Variants in ARHGAP17 observed in about 807,000 individuals in gnomAD.
The protein encoded by ARHGAP17 is rho GTPase-activating protein 17.
In ARHGAP17, 57 loss-of-function variants were observed where a neutral mutation model predicts 99.5. The observed-to-expected ratio is 0.57, with a 90% CI of 0.46 to 0.71. The LOEUF (loss-of-function observed/expected upper bound fraction) is 0.71. Ranked by LOEUF, ARHGAP17 falls within the 30% of genes least tolerant of loss-of-function variation. The pLI, the probability that ARHGAP17 is intolerant of heterozygous loss-of-function variation, is 0.00. For synonymous variants in ARHGAP17, 417 were observed against 429.6 expected (o/e 0.97, Z 0.36); for missense variants, 1,000 against 1,122.4 (o/e 0.89, Z 1.56).
intron 14 of ARHGAP17, among the ~76,000 whole-genome samples, chr16:24,946,226 G>C (rs1447469329): frequency 6.6e-6 from 1 of 151,994 alleles, no homozygotes; most frequent in Non-Finnish European, 1.5e-5. Flanking sequence ...CCACCACCCA[G>C]AAAATAAGTC....
At chr16:24,979,080 G>T in intron 1 of ARHGAP17, 75 bp from the exon 2 acceptor site, 1 of 1,112,506 alleles carries the variant, frequency 9.0e-7, no homozygotes, top group Non-Finnish European at 1.3e-6. Context: ...ATAATTATTA[G>T]CCTGGAGTTT....
At position 24,931,265 on chromosome 16, in the gene ARHGAP17, G is replaced by A; in HGVS notation, c.2034C>T (p.Pro678=). Residue 678 remains proline, a synonymous_variant, in exon 19 of 20, where the codon CCC becomes CCT. Coordinates refer to ENST00000289968, the MANE Select transcript of ARHGAP17 (RefSeq NM_001006634.3). ...CTGGAGGCTGGCCCGTGTGCTGGGT[G>A]GGAGGAGAGGGGCTTCGGGTGGGTG... ...PKPPTRSPSP[P]TQHTGQPPGQ... 1.3e-6 allele frequency: 2 copies of A among 1,535,024 alleles called. No homozygotes were observed. Among genetic ancestry groups the A allele is most frequent in the Non-Finnish European group, 1.8e-6 (2 of 1,141,246 alleles).
intron 1 of ARHGAP17, among the ~76,000 whole-genome samples, chr16:25,010,621 C>T (rs2053620055): frequency 6.6e-6 from 1 of 152,182 alleles, no homozygotes; most frequent in Non-Finnish European, 1.5e-5. Context: ...ATTTCTGAGT[C>T]CTTCTAGACA....
At chr16:24,950,618 T>C (rs999962138) in intron 12 of ARHGAP17, among the ~76,000 whole-genome samples, 1 of 152,044 alleles carries the variant, frequency 6.6e-6, no homozygotes, top group Non-Finnish European at 1.5e-5. Flanking sequence ...GCAGATTGCC[T>C]GAGGTCAGGA....
intron 3 of ARHGAP17, among the ~76,000 whole-genome samples, chr16:24,972,929 C>G (rs1342897143): frequency 7.3e-6 from 1 of 137,368 alleles, no homozygotes; most frequent in Non-Finnish European, 1.5e-5. Flanking sequence ...TTTCTATCAT[C>G]AGGGATAATT....
At chr16:24,973,194 A>G (rs2141332463) in intron 3 of ARHGAP17, among the ~76,000 whole-genome samples, 1 of 152,338 alleles carries the variant, frequency 6.6e-6, no homozygotes, top group Non-Finnish European at 1.5e-5. Flanking sequence ...AATCGCACAA[A>G]AAGAAATAAT....
At chr16:25,011,029 T>C (rs573702861) in intron 1 of ARHGAP17, among the ~76,000 whole-genome samples, 2 of 152,346 alleles carry the variant, frequency 1.3e-5, no homozygotes, top group African/African-American at 4.8e-5. Context: ...ATTTTTTTTC[T>C]CCTTGATACT....
chr16:24,977,646 C>T (rs2052557869), intron 2 of ARHGAP17, among the ~76,000 whole-genome samples: 2 of 152,110 alleles, frequency 1.3e-5, no homozygotes, highest in South Asian at 2.1e-4. Context: ...GCAAAATAAA[C>T]GTTCCACAAT....
At chr16:24,929,468 G>T in intron 19 of ARHGAP17, 1 of 349,142 alleles carries the variant, frequency 2.9e-6, no homozygotes, top group Non-Finnish European at 4.0e-6. Flanking sequence ...CTACAGAATG[G>T]ATGGCCTATT....
Position 24,943,638 on chromosome 16 carries a change from C to T in ARHGAP17, c.1333+133G>A, listed in dbSNP as rs2051379422. Reference sequence around the variant, plus strand: ...AAAATACAAATGCAATGAACAAAGGCTGGAAAGAAACATGAAAAAGTGAAA... The same window carrying T: ...AAAATACAAATGCAATGAACAAAGGTTGGAAAGAAACATGAAAAAGTGAAA... On this transcript the variant is annotated intron_variant, in intron 15 of 19. Transcript: ENST00000289968. 4.1e-6 allele frequency: 3 copies of T among 731,078 alleles called. No homozygotes were observed. The South Asian group carries it at 5.4e-5, about 13-fold the overall frequency. 45.3% of individuals were successfully genotyped at this position (731,078 alleles called of 1,614,324 possible).
chr16:24,940,150 C>T (rs988539835), intron 16 of ARHGAP17, among the ~76,000 whole-genome samples: 1 of 152,156 alleles, frequency 6.6e-6, no homozygotes, highest in Admixed American at 6.5e-5. Flanking sequence ...TGTCAAACTC[C>T]TGGCCTCAAG....
intron 12 of ARHGAP17, among the ~76,000 whole-genome samples, chr16:24,950,851 A>AAAAAAAAG (rs2051618462): frequency 2.0e-5 from 3 of 151,200 alleles, no homozygotes; most frequent in South Asian, 2.1e-4. Context: ...AAAAAAAAAA[A>AAAAAAAAG]AAAAAAAGAA....
intron 1 of ARHGAP17, among the ~76,000 whole-genome samples, chr16:25,002,077 T>C (rs1370684299): frequency 7.0e-6 from 1 of 143,776 alleles, no homozygotes; most frequent in African/African-American, 2.6e-5. Context: ...CGAGACTCCA[T>C]CTAAAAAAAA....
chr16:24,954,881 T>C, intron 9 of ARHGAP17, 151 bp from the exon 10 acceptor site: 6 of 1,124,530 alleles, frequency 5.3e-6, no homozygotes. Flanking sequence ...TTTTGTTATT[T>C]GCCATCTACT....
intron 1 of ARHGAP17, among the ~76,000 whole-genome samples, chr16:24,983,658 T>C (rs1004041091): frequency 2.0e-5 from 3 of 152,188 alleles, no homozygotes; most frequent in African/African-American, 7.2e-5. Context: ...ATGGGTTTTT[T>C]CTGCTTTGTC....
At chr16:24,985,744 GCCT>G (rs2052846754) in intron 1 of ARHGAP17, among the ~76,000 whole-genome samples, 1 of 152,136 alleles carries the variant, frequency 6.6e-6, no homozygotes, top group South Asian at 2.1e-4. Flanking sequence ...GCATTATTCT[GCCT>G]ACTTCAGGTC....
At chr16:24,928,496 T>C (rs1359072699) in intron 19 of ARHGAP17, among the ~76,000 whole-genome samples, 1 of 152,192 alleles carries the variant, frequency 6.6e-6, no homozygotes, top group Non-Finnish European at 1.5e-5. Context: ...TATTAAAAAA[T>C]AGGCATAATT....
At chr16:24,976,352 T>TC (rs2052515513) in intron 3 of ARHGAP17, among the ~76,000 whole-genome samples, 1 of 151,886 alleles carries the variant, frequency 6.6e-6, no homozygotes, top group Non-Finnish European at 1.5e-5. Flanking sequence ...CAAAGCAAGA[T>TC]CCCCATCTCT....
chr16:24,984,470 C>T (rs775093696), intron 1 of ARHGAP17, among the ~76,000 whole-genome samples: 1 of 151,778 alleles, frequency 6.6e-6, no homozygotes, highest in Non-Finnish European at 1.5e-5. Context: ...ATCGAGACCA[C>T]GGTGAAACCC....
Sources: gnomAD v4.1 joint callset for allele counts (sites outside exome capture counted in the v4.1 genomes callset) on GRCh38, gnomAD v4.1.1 for gene constraint, MANE v1.5 for transcripts, NCBI Gene and HGNC (gene_info 2026-07-23, HGNC 2026-07-21) for gene names.